The following MAST1 variants were observed in gnomAD, a reference collection of about 807,000 sequenced individuals.
The protein encoded by MAST1 is microtubule associated serine/threonine kinase 1.
Under a neutral mutation model 124.6 loss-of-function variants are expected in MAST1, and 40 were observed. That is an observed-to-expected ratio of 0.32 (90% CI 0.25 to 0.42). MAST1 has a LOEUF of 0.42. MAST1 is among the 10% of genes least tolerant of loss of function. The probability of loss-of-function intolerance (pLI) is 1.00; values close to 1 mark genes in which losing one functional copy is unlikely to be tolerated. For missense variants in MAST1, 1,558 were observed against 2,181.9 expected, an observed-to-expected ratio of 0.71 and a Z score of 5.70; for synonymous variants, 938 against 939.4, an observed-to-expected ratio of 1.00 and a Z score of 0.03.
intron 24 of MAST1, among the ~76,000 whole-genome samples, chr19:12,871,885 C>T (rs1260194859): frequency 1.5e-5 from 2 of 133,240 alleles, no homozygotes; most frequent in Non-Finnish European, 3.1e-5. Flanking sequence ...CACTGCAGTC[C>T]AGCTGTGACA....
chr19:12,845,510 G>A (rs1032171268), intron 4 of MAST1, among the ~76,000 whole-genome samples: 3 of 149,770 alleles, frequency 2.0e-5, no homozygotes, highest in African/African-American at 7.4e-5. Context: ...CTCGAGCCCA[G>A]GAGGTGGGGG....
In MAST1 at chr19:12,858,669, G is replaced by C. The variant is rs866864680; in HGVS notation, c.1296G>C (p.Pro432=). 6.2e-7 allele frequency: 1 copy of C among 1,614,232 alleles called. No homozygotes were observed. Among genetic ancestry groups the C allele is most frequent in the Non-Finnish European group, 8.5e-7 (1 of 1,180,046 alleles). The change falls in exon 12 of 26, where the codon CCG becomes CCC. Residue 432 remains proline, a synonymous_variant. Coordinates refer to ENST00000251472, the MANE Select transcript of MAST1 (RefSeq NM_014975.3). ...ERDILTFAEN[P]FVVGMFCSFE... ...ATATCCTCACCTTCGCCGAGAACCC[G>C]TTTGTGGTCGGCATGTTCTGCTCCT...
Position 12,874,545 on chromosome 19 carries a change from C to G in MAST1, c.4388C>G (p.Pro1463Arg), listed in dbSNP as rs2145917541. The part of the protein sequence containing the change: ...LGADSKGLQE[P>R]APLAPSVPEA... Reference sequence around the variant, plus strand: ...GCGGACTCCAAGGGGTTGCAGGAACCCGCACCCCTGGCGCCTTCCGTGCCC... The same window carrying G: ...GCGGACTCCAAGGGGTTGCAGGAACGCGCACCCCTGGCGCCTTCCGTGCCC... The change falls in exon 26 of 26, where the codon CCC becomes CGC. Residue 1463 changes from proline (P) to arginine (R), a missense_variant. Around this residue, in one of 10 missense-constraint regions of MAST1, gnomAD observed 168 missense variants for 154.3 expected, o/e 1.09. Coordinates refer to ENST00000251472, the MANE Select transcript of MAST1 (RefSeq NM_014975.3). This position sits in a 1 kb window ranked among gnomAD's most constrained non-coding sequence, Gnocchi z 6.6. 7 of 1,516,220 alleles carry G rather than the reference C, an allele frequency of 4.6e-6. No homozygotes were observed. In the East Asian group the frequency reaches 1.4e-4, roughly 30 times the overall value. 93.9% of individuals were successfully genotyped at this position (1,516,220 alleles called of 1,614,324 possible).
chr19:12,873,292 C>T, intron 24 of MAST1, 32 bp from the exon 25 acceptor site: 7 of 1,599,062 alleles, frequency 4.4e-6, no homozygotes, highest in Non-Finnish European at 5.1e-6. Context: ...GCGTCCAGGT[C>T]AAGGACGCTT....
chr19:12,851,896 T>C (rs112220783), intron 7 of MAST1, 38 bp from the exon 8 acceptor site: 1 of 1,513,740 alleles, frequency 6.6e-7, no homozygotes, highest in Admixed American at 1.8e-5. Context: ...TGAGGCAGAG[T>C]GCCTATGAGC....
chr19:12,839,332 C>T (rs1969799833), intron 1 of MAST1, among the ~76,000 whole-genome samples: 4 of 152,098 alleles, frequency 2.6e-5, no homozygotes, highest in Admixed American at 2.6e-4. Flanking sequence ...ACAGGGGCAC[C>T]ACGTCGTGTA....
chr19:12,850,726 T>C (rs1826286859), intron 7 of MAST1, among the ~76,000 whole-genome samples: 1 of 152,054 alleles, frequency 6.6e-6, no homozygotes, highest in Admixed American at 6.6e-5. Flanking sequence ...TTAATTTTCT[T>C]TTTCTTTTTC....
chr19:12,865,363 A>G lies in MAST1; in HGVS notation c.1686A>G (p.Gln562=). Residue 562 remains glutamine (Q), a synonymous_variant, in exon 15 of 26, where the codon CAA becomes CAG. Coordinates refer to ENST00000251472, the MANE Select transcript of MAST1 (RefSeq NM_014975.3). This position sits in a 1 kb window ranked among gnomAD's most constrained non-coding sequence, Gnocchi z 7.1. ...EYIAPEVILR[Q]GYGKPVDWWA... is the part of the protein sequence containing the mutation. The stretch of plus-strand genomic sequence containing the variant: ...TCGCGCCCGAGGTCATCCTGCGTCA[A>G]GGCTACGGCAAGCCAGTGGACTGGT... 1 of 1,610,742 alleles carries G rather than the reference A, an allele frequency of 6.2e-7. No homozygotes were observed.
chr19:12,847,252 C>A lies in MAST1; in HGVS notation c.328-38C>A. ...CAGGGTCCTGAGCTGTTGGGGGGCC[C>A]ATGGTGGCTCTGACCCCGGCCCTGC... On this transcript the variant is annotated intron_variant, in intron 4 of 25. Coordinates refer to ENST00000251472, the MANE Select transcript of MAST1 (RefSeq NM_014975.3). The surrounding 1 kb of genome is among the most constrained non-coding windows in gnomAD (Gnocchi z 5.5). 1 of 1,456,480 alleles carries A rather than the reference C, an allele frequency of 6.9e-7. No homozygotes were observed. The highest frequency in any genetic ancestry group is 9.6e-7 in the Non-Finnish European group (1 of 1,045,500). The allele number at this position is 1,456,480 out of a possible 1,614,324, so 90.2% of individuals were successfully genotyped here.
At position 12,838,668 on chromosome 19, in the gene MAST1, T is replaced by C; in HGVS notation, c.83+13T>C. On this transcript the variant is annotated intron_variant, in intron 1 of 25. Transcript: ENST00000251472. The surrounding 1 kb of genome is among the most constrained non-coding windows in gnomAD (Gnocchi z 4.3). The stretch of plus-strand genomic sequence containing the variant: ...GCCGCACCAAGAGGTAGACCCCCGA[T>C]CCCCTAGACATTGTCCCGGCCCTCC... The C allele has an allele frequency of 6.2e-7, 1 of 1,606,314 alleles. No homozygotes were observed. Among genetic ancestry groups the C allele is most frequent in the South Asian group, 1.1e-5 (1 of 90,278 alleles).
intron 9 of MAST1, 25 bp downstream of exon 9, chr19:12,852,272 A>C: frequency 6.2e-7 from 1 of 1,613,742 alleles, no homozygotes; most frequent in Non-Finnish European, 8.5e-7. Flanking sequence ...GCGCAGGGGG[A>C]CTGGGGGTGA....
At position 12,868,848 on chromosome 19, in the gene MAST1, A is replaced by G. The variant is rs760423747; in HGVS notation, c.2772A>G (p.Ala924=). ...SATALSVMIP[A]VDPHGSSPLA... ...CTGCCTTATCTGTCATGATTCCTGCAGGTAATGCTGGGCCCCACCTGGCAG... is the reference window on the plus strand; with the variant it reads ...CTGCCTTATCTGTCATGATTCCTGCGGGTAATGCTGGGCCCCACCTGGCAG... Residue 924 remains alanine (A), a splice_region_variant and synonymous_variant, in exon 21 of 26, where the codon GCA becomes GCG. Transcript: ENST00000251472. 14 of 1,573,058 alleles carry G rather than the reference A, an allele frequency of 8.9e-6. No homozygotes were observed. The highest frequency in any genetic ancestry group is 4.0e-5 in the African/African-American group (3 of 74,228).
intron 10 of MAST1, among the ~76,000 whole-genome samples, chr19:12,854,347 T>C (rs1229415597): frequency 1.3e-5 from 2 of 152,178 alleles, no homozygotes; most frequent in Admixed American, 1.3e-4. Flanking sequence ...GGTCTCGAAC[T>C]CCTGACCTCA....
chr19:12,864,842 G>C lies in MAST1; in HGVS notation c.1400G>C (p.Gly467Ala), dbSNP rs1162325894. The C allele has an allele frequency of 6.2e-7, 1 of 1,613,874 alleles. No homozygotes were observed. The highest frequency in any genetic ancestry group is 8.5e-7 in the Non-Finnish European group (1 of 1,180,044). ...TGTGCCACCCTGCTGAAGAATATTG[G>C]AGCGCTGCCCGTAGAGATGGCCCGC... is the stretch of plus-strand genomic sequence containing the variant. ...GDCATLLKNI[G>A]ALPVEMARMY... is the part of the protein sequence containing the mutation. The change falls in exon 13 of 26, where the codon GGA becomes GCA. Residue 467 changes from glycine (G) to alanine (A), a missense_variant. Transcript: ENST00000251472.
chr19:12,866,007 G>A lies in MAST1; in HGVS notation c.1934G>A (p.Ser645Asn). The change falls in exon 17 of 26, where the codon AGT becomes AAT. Residue 645 changes from serine to asparagine, a missense_variant. Ser to Asn is a conservative substitution (Grantham distance 46). Coordinates refer to ENST00000251472, the MANE Select transcript of MAST1 (RefSeq NM_014975.3). The surrounding 1 kb of genome is among the most constrained non-coding windows in gnomAD (Gnocchi z 5.2). ...AGGAFEVKQH[S>N]FFRDLDWTGL... The stretch of plus-strand genomic sequence containing the variant: ...GGCGCTTTTGAGGTGAAGCAGCACA[G>A]TTTCTTTCGAGACCTGGACTGGACA... The A allele has an allele frequency of 1.9e-6, 3 of 1,614,136 alleles. No individual in the cohort carries two copies. Among genetic ancestry groups the A allele is most frequent in the Non-Finnish European group, 1.7e-6 (2 of 1,180,022 alleles).
Position 12,865,916 on chromosome 19 carries a change from A to G in MAST1, c.1907-64A>G. ...GTGCTGTGGCCCCGGGGCGGAAGAC[A>G]TGGGGGGCGGGGCTGGGCTGCTGGG... is the stretch of plus-strand genomic sequence containing the variant. On this transcript the variant is annotated intron_variant, in intron 16 of 25. Transcript: ENST00000251472. This position sits in a 1 kb window ranked among gnomAD's most constrained non-coding sequence, Gnocchi z 7.1. 1 of 1,609,516 alleles carries G rather than the reference A, an allele frequency of 6.2e-7. No homozygotes were observed. The highest frequency in any genetic ancestry group is 2.2e-5 in the East Asian group (1 of 44,860).
In MAST1 at chr19:12,843,869, T is replaced by G. The variant is rs756890552; in HGVS notation, c.327+262T>G. ...ATTAAAAATTATCTGGGCGTGGTGGTGCACACCTGTGGTCCCCACTATTTG... is the reference window on the plus strand; with the variant it reads ...ATTAAAAATTATCTGGGCGTGGTGGGGCACACCTGTGGTCCCCACTATTTG... On this transcript the variant is annotated intron_variant, in intron 4 of 25. Coordinates refer to ENST00000251472, the MANE Select transcript of MAST1 (RefSeq NM_014975.3). This position sits in a 1 kb window ranked among gnomAD's most constrained non-coding sequence, Gnocchi z 4.9. Among the ~76,000 whole-genome samples the G allele has an allele frequency of 2.6e-5, 4 of 152,084 alleles. No homozygotes were observed. The highest frequency in any genetic ancestry group is 5.9e-5 in the Non-Finnish European group (4 of 67,998).
chr19:12,852,355 G>T lies in MAST1; in HGVS notation c.1037G>T (p.Ser346Ile). 2 of 1,614,142 alleles carry T rather than the reference G, an allele frequency of 1.2e-6. No homozygotes were observed. Among genetic ancestry groups the T allele is most frequent in the Non-Finnish European group, 1.7e-6 (2 of 1,180,022 alleles). ...PDVVHLEEQD[S>I]GGSNTPEQDD... Reference sequence around the variant, plus strand: ...GTGGTGCATCTGGAGGAACAGGACAGTGGTGGTTCCAACACCCCTGAGCAA... The same window carrying T: ...GTGGTGCATCTGGAGGAACAGGACATTGGTGGTTCCAACACCCCTGAGCAA... Residue 346 changes from serine (S) to isoleucine (I), a missense_variant, in exon 10 of 26, where the codon AGT becomes ATT. Ser to Ile is a moderately radical substitution (Grantham distance 142). This residue lies in a region of MAST1 where 136 missense variants were observed against 160.9 expected (regional missense o/e 0.85). Coordinates refer to ENST00000251472, the MANE Select transcript of MAST1 (RefSeq NM_014975.3).
At position 12,849,465 on chromosome 19, in the gene MAST1, C is replaced by T. The variant is rs191663759; in HGVS notation, c.774+1408C>T. ...GATCACGAGGTCAGGAGTTTGAAACCAGCCTGGCCAATAAGGTGAAACTCT... is the reference window on the plus strand; with the variant it reads ...GATCACGAGGTCAGGAGTTTGAAACTAGCCTGGCCAATAAGGTGAAACTCT... On this transcript the variant is annotated intron_variant, in intron 7 of 25. Transcript: ENST00000251472. Among the ~76,000 whole-genome samples the T allele has an allele frequency of 4.6e-3, 700 of 152,064 alleles. 4 individuals are homozygous for T. Among genetic ancestry groups the T allele is most frequent in the Non-Finnish European group, 5.7e-3 (385 of 67,980 alleles).
Sources: allele counts gnomAD v4.1 joint callset (sites outside exome capture counted in the v4.1 genomes callset), GRCh38; gene constraint gnomAD v4.1.1; regional missense constraint gnomAD v4.1.1; non-coding constraint Gnocchi (gnomAD v3.1); transcripts MANE v1.5; gene names NCBI Gene and HGNC (gene_info 2026-07-23, HGNC 2026-07-21).